The following XYLT1 variants were observed in gnomAD, a reference collection of about 807,000 sequenced individuals.
XYLT1 encodes the protein xylosyltransferase 1, also known as beta-D-xylosyltransferase 1.
XYLT1 carries 36 observed loss-of-function variants against 91.3 expected under a neutral mutation model. That is an observed-to-expected ratio of 0.39 (90% CI 0.30 to 0.52). The LOEUF (loss-of-function observed/expected upper bound fraction) is 0.52. Among genes scored for constraint, XYLT1 ranks in the 20% least tolerant of loss-of-function variants. The pLI is 0.68. For synonymous variants in XYLT1, 588 were observed against 532.0 expected (o/e 1.11, Z -1.45); for missense variants, 1,242 against 1,284.5 (o/e 0.97, Z 0.51).
At chr16:17,344,885 G>C (rs909484842) in intron 2 of XYLT1, among the ~76,000 whole-genome samples, 1 of 152,058 alleles carries the variant, frequency 6.6e-6, no homozygotes, top group Non-Finnish European at 1.5e-5. Flanking sequence ...ATTTTTAGTA[G>C]AGACGGTGTT....
At position 17,465,982 on chromosome 16, in the gene XYLT1, C is replaced by T. The variant is rs116250880; in HGVS notation, c.363+4452G>A. On this transcript the variant is annotated intron_variant, in intron 1 of 11. Coordinates refer to ENST00000261381, the MANE Select transcript of XYLT1 (RefSeq NM_022166.4). ...AGCCAGGAGGTGAACCCAGGTATGT[C>T]AGGCCTGAGGGTACTCAACAGAGGC... Among the ~76,000 whole-genome samples, 173 of 152,310 alleles carry T rather than the reference C, an allele frequency of 1.1e-3. 2 individuals carry two copies. Among genetic ancestry groups the T allele is most frequent in the African/African-American group, 3.9e-3 (163 of 41,568 alleles).
rs35148093 is a variant in XYLT1, at chr16:17,330,104, T to TACACACACACACACACACAC, written c.402+27888_402+27907dup. ...TATATGCACCACATATGGAGGTAGA[T>TACACACACACACACACACAC]ACACACACACACACACACACACACA... is the stretch of plus-strand genomic sequence containing the variant. On this transcript the variant is annotated intron_variant, in intron 2 of 11. Coordinates refer to ENST00000261381, the MANE Select transcript of XYLT1 (RefSeq NM_022166.4). Among the ~76,000 whole-genome samples the TACACACACACACACACACAC allele has an allele frequency of 3.9e-3, 560 of 144,566 alleles. 5 individuals carry two copies. Among genetic ancestry groups the TACACACACACACACACACAC allele is most frequent in the African/African-American group, 8.1e-3 (315 of 38,882 alleles). 94.8% of individuals were successfully genotyped at this position (144,566 alleles called of 152,430 possible). A position where few individuals can be genotyped will look rare whatever the true frequency, so the allele number is the denominator to read the frequency against.
chr16:17,416,070 C>T (rs1009774154), intron 1 of XYLT1, among the ~76,000 whole-genome samples: 4 of 152,194 alleles, frequency 2.6e-5, no homozygotes, highest in African/African-American at 9.7e-5. Context: ...AAGCTCGGCC[C>T]TCCCGACAAT....
intron 7 of XYLT1, 125 bp from the exon 8 acceptor site, chr16:17,138,656 T>A: frequency 8.5e-7 from 1 of 1,178,052 alleles, no homozygotes; most frequent in Non-Finnish European, 1.2e-6. Flanking sequence ...GAATGTGGCA[T>A]CTCATCAGAA....
At chr16:17,297,165 G>A (rs1165015412) in intron 2 of XYLT1, among the ~76,000 whole-genome samples, 1 of 152,118 alleles carries the variant, frequency 6.6e-6, no homozygotes, top group East Asian at 1.9e-4. Context: ...CTTGAGTCAG[G>A]GAAATGAATC....
Position 17,442,932 on chromosome 16 carries a change from G to A in XYLT1, c.363+27502C>T, listed in dbSNP as rs541299258. ...ATCTCCTAAATGTTTCTCGGTGAAC[G>A]TGTGTTACTTTAATCAGCAAAGATG... is the stretch of plus-strand genomic sequence containing the variant. On this transcript the variant is annotated intron_variant, in intron 1 of 11. Transcript: ENST00000261381. Among the ~76,000 whole-genome samples the A allele has an allele frequency of 6.6e-5, 10 of 152,198 alleles. No individual in the cohort carries two copies. In the South Asian group the frequency reaches 1.0e-3, roughly 16 times the overall value.
At position 17,138,511 on chromosome 16, in the gene XYLT1, CAGGACCGTATGGAAGA is replaced by C. The variant is rs1284813446; in HGVS notation, c.1592_1607del (p.Phe531TrpfsTer69). The C allele has an allele frequency of 6.2e-7, 1 of 1,613,586 alleles. No individual in the cohort carries two copies. Among genetic ancestry groups the C allele is most frequent in the East Asian group, 2.3e-5 (1 of 44,416 alleles). ...TGGTGTCGCAGTGGGGGCTGTTCTCCAGGACCGTATGGAAGAAGGACTGCAGGGGAGAGAGGGACCC... is the reference window on the plus strand; with the variant it reads ...TGGTGTCGCAGTGGGGGCTGTTCTCCAGGACTGCAGGGGAGAGAGGGACCC... On this transcript the variant is annotated frameshift_variant, in exon 8 of 12. Coordinates refer to ENST00000261381, the MANE Select transcript of XYLT1 (RefSeq NM_022166.4). LOFTEE classifies it high-confidence loss of function.
intron 1 of XYLT1, among the ~76,000 whole-genome samples, chr16:17,455,054 A>C (rs1321489151): frequency 6.6e-6 from 1 of 151,976 alleles, no homozygotes; most frequent in Non-Finnish European, 1.5e-5. Context: ...CGCAATGTTA[A>C]CCAAAACAAA....
intron 6 of XYLT1, among the ~76,000 whole-genome samples, chr16:17,157,895 T>C (rs764944525): frequency 4.4e-4 from 67 of 152,172 alleles, no homozygotes; most frequent in Non-Finnish European, 1.9e-4. Context: ...ATTACAGGCA[T>C]GTGCCACCAC....
At chr16:17,241,974 C>T (rs1043611312) in intron 3 of XYLT1, among the ~76,000 whole-genome samples, 11 of 152,202 alleles carry the variant, frequency 7.2e-5, no homozygotes, top group South Asian at 2.1e-4. Flanking sequence ...GTGAAAGGCA[C>T]GTCCTACATG....
intron 1 of XYLT1, among the ~76,000 whole-genome samples, chr16:17,415,639 C>T (rs139200728): frequency 6.6e-6 from 1 of 152,100 alleles, no homozygotes; most frequent in East Asian, 1.9e-4. Flanking sequence ...TTGCAGTGAG[C>T]TGAGATAGCA....
intron 2 of XYLT1, among the ~76,000 whole-genome samples, chr16:17,318,352 G>C (rs2034667569): frequency 6.6e-6 from 1 of 152,184 alleles, no homozygotes; most frequent in Non-Finnish European, 1.5e-5. Context: ...GACTTCCAAA[G>C]TCAACACCAG....
At chr16:17,316,103 A>G (rs949003893) in intron 2 of XYLT1, among the ~76,000 whole-genome samples, 1 of 152,078 alleles carries the variant, frequency 6.6e-6, no homozygotes, top group Non-Finnish European at 1.5e-5. Flanking sequence ...TCACAACACA[A>G]ACTATTCTCC....
chr16:17,122,773 A>T (rs1317707838), intron 10 of XYLT1, among the ~76,000 whole-genome samples: 2 of 152,204 alleles, frequency 1.3e-5, no homozygotes, highest in East Asian at 3.8e-4. Flanking sequence ...AAGGTGAGAG[A>T]TGAGGATTCG....
At chr16:17,132,265 C>G (rs1428745903) in intron 9 of XYLT1, among the ~76,000 whole-genome samples, 1 of 152,116 alleles carries the variant, frequency 6.6e-6, no homozygotes, top group East Asian at 1.9e-4. Context: ...ACCGCACATA[C>G]TGAAGGTGAA....
At chr16:17,172,192 C>T (rs916278185) in intron 5 of XYLT1, among the ~76,000 whole-genome samples, 2 of 151,376 alleles carry the variant, frequency 1.3e-5, no homozygotes, top group Non-Finnish European at 2.9e-5. Context: ...TCCCTCCTTC[C>T]TTCCCTCCTC....
rs535730157 is a variant in XYLT1 at position 17,121,741 on chromosome 16, C to T, written c.2224-3762G>A. ...GTCTTTTATCCCCTATATCCCCTCC[C>T]CTATATCCCCCAACCCTTGCCCATG... On this transcript the variant is annotated intron_variant, in intron 10 of 11. Transcript: ENST00000261381. Among the ~76,000 whole-genome samples the T allele has an allele frequency of 3.0e-3, 458 of 152,174 alleles. 2 individuals carry two copies. The highest frequency in any genetic ancestry group is 4.2e-3 in the Non-Finnish European group (286 of 68,008).
intron 3 of XYLT1, among the ~76,000 whole-genome samples, chr16:17,232,935 C>T (rs962898388): frequency 6.6e-6 from 1 of 152,102 alleles, no homozygotes; most frequent in African/African-American, 2.4e-5. Context: ...TCACTGATTG[C>T]CCCCTTTGGG....
At chr16:17,365,175 T>G (rs1484490071) in intron 1 of XYLT1, among the ~76,000 whole-genome samples, 2 of 152,160 alleles carry the variant, frequency 1.3e-5, no homozygotes, top group Non-Finnish European at 2.9e-5. Flanking sequence ...AGATTTGCCT[T>G]GCCCTAAAAA....
Sources: gnomAD v4.1 joint callset for allele counts (sites outside exome capture counted in the v4.1 genomes callset) on GRCh38, gnomAD v4.1.1 for gene constraint, MANE v1.5 for transcripts, NCBI Gene and HGNC (gene_info 2026-07-23, HGNC 2026-07-21) for gene names.